Variants in KCNC4 observed in about 807,000 individuals in gnomAD.
KCNC4 encodes the protein potassium voltage-gated channel subfamily C member 4, also known as voltage-gated potassium channel KCNC4.
KCNC4 carries 23 observed loss-of-function variants against 42.8 expected under a neutral mutation model. The observed-to-expected ratio is 0.54, with a 90% CI of 0.39 to 0.76. The LOEUF is 0.76. Ranked by LOEUF, KCNC4 falls within the 30% of genes least tolerant of loss-of-function variation. KCNC4 has a pLI of 0.00. For missense variants in KCNC4, 751 were observed against 898.2 expected, an observed-to-expected ratio of 0.84 and a Z score of 2.10; for synonymous variants, 422 against 393.5, an observed-to-expected ratio of 1.07 and a Z score of -0.86.
chr1:110,233,462 C>T lies in KCNC4; in HGVS notation c.*490C>T. ...TAACCTGGTGAAGTCTATTGAAGGCCAGACTGCCCCCTAGGGTCACTGCTT... is the reference window on the plus strand; with the variant it reads ...TAACCTGGTGAAGTCTATTGAAGGCTAGACTGCCCCCTAGGGTCACTGCTT... On this transcript the variant is annotated 3_prime_UTR_variant, in exon 4 of 4. Transcript: ENST00000438661. The T allele has an allele frequency of 5.3e-6, 1 of 187,818 alleles. No homozygotes were observed. The highest frequency in any genetic ancestry group is 1.1e-5 in the Non-Finnish European group (1 of 89,478). The allele number at this position is 187,818 out of a possible 1,614,324, so 11.6% of individuals were successfully genotyped here.
At chr1:110,227,575 G>A (rs2101029027) in intron 3 of KCNC4, among the ~76,000 whole-genome samples, 1 of 152,318 alleles carries the variant, frequency 6.6e-6, no homozygotes, top group East Asian at 1.9e-4. Context: ...CTATCCTTGG[G>A]CCTGGATTTG....
intron 1 of KCNC4, chr1:110,272,742 G>A (rs547083440): frequency 6.6e-6 from 1 of 152,278 alleles, no homozygotes; most frequent in South Asian, 2.1e-4. Flanking sequence ...GAGACAGAGA[G>A]AGGATACCTT....
intron 1 of KCNC4, among the ~76,000 whole-genome samples, chr1:110,268,333 T>C (rs947910518): frequency 1.3e-5 from 2 of 152,110 alleles, no homozygotes; most frequent in African/African-American, 2.4e-5. Context: ...CTTGGCCGGG[T>C]ACCGTGGCTC....
chr1:110,266,923 A>AGAAGG (rs56205408), intron 1 of KCNC4, among the ~76,000 whole-genome samples: 88,892 of 151,718 alleles, frequency 0.59, 26,405 homozygotes, highest in African/African-American at 0.67. Context: ...GTTCTCTTGA[A>AGAAGG]GCATCCCACT....
chr1:110,210,850 C>T lies in KCNC4; in HGVS notation c.-650C>T, dbSNP rs925424163. 6.6e-6 allele frequency among the ~76,000 whole-genome samples: 1 copy of T among 152,178 alleles called. No individual in the cohort carries two copies. Among genetic ancestry groups the T allele is most frequent in the Non-Finnish European group, 1.5e-5 (1 of 68,030 alleles). On this transcript the variant is annotated 5_prime_UTR_variant, in exon 1 of 4. Transcript: ENST00000438661. ...CGCCCGGCCGCCGCTCTCTGCTCTG[C>T]CCCGCCTGCCTTCCTCGCCCGGCGC...
At chr1:110,213,699 A>G (rs1301037604) in intron 1 of KCNC4, among the ~76,000 whole-genome samples, 1 of 152,220 alleles carries the variant, frequency 6.6e-6, no homozygotes, top group Non-Finnish European at 1.5e-5. Flanking sequence ...GAGACTGGCT[A>G]AGAAGGTGAG....
At chr1:110,212,612 T>C (rs574246244) in intron 1 of KCNC4, among the ~76,000 whole-genome samples, 1 of 152,218 alleles carries the variant, frequency 6.6e-6, no homozygotes, top group East Asian at 1.9e-4. Flanking sequence ...TAGGGTGGGT[T>C]TTGTTAGATG....
Position 110,211,834 on chromosome 1 carries a change from C to T in KCNC4, c.335C>T (p.Thr112Ile). Residue 112 changes from threonine to isoleucine, a missense_variant, in exon 1 of 4, where the codon ACC becomes ATC. Physicochemically the swap from Thr to Ile is moderately conservative, Grantham distance 89. Transcript: ENST00000438661. The surrounding 1 kb of genome is among the most constrained non-coding windows in gnomAD (Gnocchi z 6.5). ...GCCTACGTGCTCAACTACTACCGCA[C>T]CGGCAAGCTGCACTGCCCCGCGGAC... Reference protein sequence around the residue: ...VFAYVLNYYRTGKLHCPADVC... With the variant: ...VFAYVLNYYRIGKLHCPADVC... 1 of 1,611,652 alleles carries T rather than the reference C, an allele frequency of 6.2e-7. No homozygotes were observed. The highest frequency in any genetic ancestry group is 8.5e-7 in the Non-Finnish European group (1 of 1,179,836).
At chr1:110,253,335 A>C (rs1389594272), downstream of KCNC4, among the ~76,000 whole-genome samples, 1 of 152,236 alleles carries the variant, frequency 6.6e-6, no homozygotes, top group African/African-American at 2.4e-5. Context: ...ACAACCAATC[A>C]TGAGAGATGT....
intron 1 of KCNC4, among the ~76,000 whole-genome samples, chr1:110,279,792 ATTTTTTTTTTT>A (rs746438498): frequency 3.0e-5 from 3 of 98,564 alleles, no homozygotes; most frequent in African/African-American, 1.3e-4. Flanking sequence ...GGCTTTAGGA[ATTTTTTTTTTT>A]TTTTTTTTTT....
rs1267759236 is a variant in KCNC4 at position 110,211,805 on chromosome 1, C to T, written c.306C>T (p.Val102=). The T allele has an allele frequency of 2.5e-6, 4 of 1,611,484 alleles. No homozygotes were observed. The highest frequency in any genetic ancestry group is 8.5e-7 in the Non-Finnish European group (1 of 1,179,798). The change falls in exon 1 of 4, where the codon GTC becomes GTT. Residue 102 remains valine (V), a synonymous_variant. Transcript: ENST00000438661. This position sits in a 1 kb window ranked among gnomAD's most constrained non-coding sequence, Gnocchi z 6.5. The part of the protein sequence containing the change: ...CEFFFDRHPG[V]FAYVLNYYRT... ...TCTTCTTCGACAGGCACCCGGGCGT[C>T]TTCGCCTACGTGCTCAACTACTACC... is the stretch of plus-strand genomic sequence containing the variant.
chr1:110,226,229 C>T (rs374142469), intron 3 of KCNC4, 51 bp downstream of exon 3: 3 of 1,544,424 alleles, frequency 1.9e-6, no homozygotes, highest in Non-Finnish European at 2.7e-6. Context: ...AGCTGAGTCT[C>T]CCGAGTCCCC....
intron 1 of KCNC4, among the ~76,000 whole-genome samples, chr1:110,267,439 T>A (rs1659560190): frequency 1.3e-5 from 2 of 152,144 alleles, no homozygotes; most frequent in Admixed American, 1.3e-4. Flanking sequence ...GCTGCCTCCA[T>A]GTCCTTCTGG....
chr1:110,219,225 C>A (rs546829320), intron 1 of KCNC4, among the ~76,000 whole-genome samples: 78 of 152,304 alleles, frequency 5.1e-4, no homozygotes, highest in Non-Finnish European at 9.3e-4. Flanking sequence ...TATTTTGGCT[C>A]CAGATTCGGC....
chr1:110,224,010 T>C, intron 2 of KCNC4, 110 bp downstream of exon 2: 1 of 888,808 alleles, frequency 1.1e-6, no homozygotes, highest in South Asian at 1.8e-5. Flanking sequence ...GGGGCTTCCC[T>C]AAGCATAAAG....
Position 110,211,733 on chromosome 1 carries a change from C to G in KCNC4, c.234C>G (p.Gly78=). 1 of 1,608,768 alleles carries G rather than the reference C, an allele frequency of 6.2e-7. No individual in the cohort carries two copies. The highest frequency in any genetic ancestry group is 8.5e-7 in the Non-Finnish European group (1 of 1,178,000). The stretch of plus-strand genomic sequence containing the variant: ...GCGGGGGCCGGCCCGAGACCGATGG[C>G]GGCGGTGTGGGTAGCAGCGGCAGCA... ...PDGGGRPETD[G]GGVGSSGSSG... Residue 78 remains glycine, a synonymous_variant, in exon 1 of 4, where the codon GGC becomes GGG. Transcript: ENST00000438661. The surrounding 1 kb of genome is among the most constrained non-coding windows in gnomAD (Gnocchi z 6.5).
At chr1:110,274,755 C>A (rs1659688760) in intron 1 of KCNC4, among the ~76,000 whole-genome samples, 1 of 152,124 alleles carries the variant, frequency 6.6e-6, no homozygotes, top group African/African-American at 2.4e-5. Flanking sequence ...CAAAAATATA[C>A]ACGAGGGAAA....
downstream of KCNC4, chr1:110,237,873 G>C (rs565700190): frequency 6.6e-6 from 1 of 152,330 alleles, no homozygotes; most frequent in Non-Finnish European, 1.5e-5. Context: ...GCCCACCCTC[G>C]TGGGGCTCCT....
intron 1 of KCNC4, among the ~76,000 whole-genome samples, chr1:110,272,034 C>T (rs919264357): frequency 1.3e-5 from 2 of 152,166 alleles, no homozygotes; most frequent in Non-Finnish European, 1.5e-5. Flanking sequence ...CTGATGACCT[C>T]GAAACTGATC....
Sources: allele counts gnomAD v4.1 joint callset (sites outside exome capture counted in the v4.1 genomes callset), GRCh38; gene constraint gnomAD v4.1.1; non-coding constraint Gnocchi (gnomAD v3.1); transcripts MANE v1.5; gene names NCBI Gene and HGNC (gene_info 2026-07-23, HGNC 2026-07-21).